The following PHLDB2 variants were observed in gnomAD, a reference collection of about 807,000 sequenced individuals.
PHLDB2 encodes the protein pleckstrin homology like domain family B member 2, also known as pleckstrin homology-like domain family B member 2.
A neutral mutation model predicts 123.6 loss-of-function variants in PHLDB2; 71 were observed. That is an observed-to-expected ratio of 0.57 (90% CI 0.47 to 0.70). PHLDB2 has a LOEUF of 0.70. Ranked by LOEUF, PHLDB2 falls within the 30% of genes least tolerant of loss-of-function variation. The pLI is 0.00. For missense variants in PHLDB2, 1,446 were observed against 1,519.5 expected, an observed-to-expected ratio of 0.95 and a Z score of 0.80; for synonymous variants, 547 against 541.6, an observed-to-expected ratio of 1.01 and a Z score of -0.14.
At chr3:111,793,803 T>C (rs1055998726) in intron 1 of PHLDB2, among the ~76,000 whole-genome samples, 1 of 151,772 alleles carries the variant, frequency 6.6e-6, no homozygotes, top group African/African-American at 2.4e-5. Context: ...TGTCTAGAAA[T>C]GTCATCTGGG....
At chr3:111,948,858 C>A in intron 9 of PHLDB2, 74 bp from the exon 10 acceptor site, 2 of 1,457,676 alleles carry the variant, frequency 1.4e-6, no homozygotes, top group Non-Finnish European at 1.9e-6. Context: ...CTTCATTGTA[C>A]TGGGAACATT....
chr3:111,970,686 C>G (rs374286164), intron 16 of PHLDB2, among the ~76,000 whole-genome samples: 1 of 151,996 alleles, frequency 6.6e-6, no homozygotes, highest in East Asian at 1.9e-4. Flanking sequence ...GGATCACATA[C>G]GAAACATGTC....
At chr3:111,939,383 C>A in intron 6 of PHLDB2, 92 bp from the exon 7 acceptor site, 2 of 1,323,976 alleles carry the variant, frequency 1.5e-6, no homozygotes, top group Non-Finnish European at 2.1e-6. Flanking sequence ...GGAAAGATAT[C>A]TTGGACCAAC....
intron 1 of PHLDB2, among the ~76,000 whole-genome samples, chr3:111,865,876 G>A (rs1424128742): frequency 6.6e-6 from 1 of 151,884 alleles, no homozygotes; most frequent in East Asian, 1.9e-4. Flanking sequence ...TGGTCAAAAG[G>A]TAGATAGCAT....
chr3:111,784,438 C>G (rs1175547224), intron 1 of PHLDB2, among the ~76,000 whole-genome samples: 1 of 152,060 alleles, frequency 6.6e-6, no homozygotes, highest in Non-Finnish European at 1.5e-5. Context: ...TGCAAGTTGC[C>G]TCATCCTTTT....
intron 1 of PHLDB2, among the ~76,000 whole-genome samples, chr3:111,831,950 G>A (rs2108489240): frequency 6.6e-6 from 1 of 152,264 alleles, no homozygotes; most frequent in South Asian, 2.1e-4. Flanking sequence ...GGCTGTGTCA[G>A]AGAGAGTTAC....
chr3:111,790,321 T>C (rs181093735), intron 1 of PHLDB2, among the ~76,000 whole-genome samples: 6 of 152,334 alleles, frequency 3.9e-5, no homozygotes, highest in East Asian at 1.9e-4. Context: ...AGGAAGTTCA[T>C]TGTGTCTCCT....
At chr3:111,863,655 G>A (rs2064939294) in intron 1 of PHLDB2, among the ~76,000 whole-genome samples, 1 of 152,188 alleles carries the variant, frequency 6.6e-6, no homozygotes, top group Admixed American at 6.5e-5. Context: ...GGCAGAATCT[G>A]CAAGCCTCCT....
chr3:111,901,760 G>C (rs1052184413), intron 2 of PHLDB2, among the ~76,000 whole-genome samples: 1 of 152,168 alleles, frequency 6.6e-6, no homozygotes, highest in South Asian at 2.1e-4. Flanking sequence ...AAGAGCAATA[G>C]CATAATTTCT....
chr3:111,881,144 T>C (rs1360199018), intron 1 of PHLDB2, among the ~76,000 whole-genome samples: 1 of 152,232 alleles, frequency 6.6e-6, no homozygotes. Context: ...CCTGCTGGCA[T>C]AGCTGCAGTG....
At position 111,949,053 on chromosome 3, in the gene PHLDB2, C is replaced by T. The variant is rs148911785; in HGVS notation, c.2609C>T (p.Ala870Val). Reference protein sequence around the residue: ...VATEPATAVLASQPQSKEHFR... With the variant: ...VATEPATAVLVSQPQSKEHFR... ...ACTGAGCCTGCCACAGCTGTGCTGG[C>T]GAGCCAGCCACAGAGTAAAGAGGTG... Residue 870 changes from alanine to valine, a missense_variant, in exon 10 of 18, where the codon GCG becomes GTG. By Grantham distance (64) the Ala-to-Val change is moderately conservative. This residue lies in a region of PHLDB2 where 594 missense variants were observed against 646.0 expected (regional missense o/e 0.92). Transcript: ENST00000431670. 1.0e-4 allele frequency: 163 copies of T among 1,613,438 alleles called. No individual in the cohort carries two copies. The highest frequency in any genetic ancestry group is 1.1e-4 in the Non-Finnish European group (129 of 1,179,860).
intron 1 of PHLDB2, among the ~76,000 whole-genome samples, chr3:111,739,599 A>AGG (rs1309027071): frequency 7.6e-6 from 1 of 131,698 alleles, no homozygotes; most frequent in Non-Finnish European, 1.6e-5. Flanking sequence ...AAAACAAACA[A>AGG]AAAAAAAAAA....
intron 5 of PHLDB2, 104 bp downstream of exon 5, chr3:111,920,523 G>C: frequency 7.2e-7 from 1 of 1,387,508 alleles, no homozygotes; most frequent in Non-Finnish European, 9.7e-7. Flanking sequence ...GGATTTGTGT[G>C]TCATGTTCCT....
chr3:111,876,056 C>G (rs1031747478), intron 1 of PHLDB2, among the ~76,000 whole-genome samples: 1 of 151,754 alleles, frequency 6.6e-6, no homozygotes, highest in African/African-American at 2.4e-5. Context: ...TCTTCCAGTC[C>G]ATTGTTATTG....
Position 111,859,525 on chromosome 3 carries a change from G to C in PHLDB2, c.-66G>C. 2 of 985,634 alleles carry C rather than the reference G, an allele frequency of 2.0e-6. No individual in the cohort carries two copies. Among genetic ancestry groups the C allele is most frequent in the Non-Finnish European group, 2.4e-6 (2 of 830,076 alleles). The allele number at this position is 985,634 out of a possible 1,614,324, so 61.1% of individuals were successfully genotyped here. On this transcript the variant is annotated 5_prime_UTR_variant, in exon 1 of 18. Transcript: ENST00000431670. Reference sequence around the variant, plus strand: ...GGCCCGACGGTGTGGCGTGGCGCAAGGAGCGCGCCTGCCTTCTCTCGCCGC... The same window carrying C: ...GGCCCGACGGTGTGGCGTGGCGCAACGAGCGCGCCTGCCTTCTCTCGCCGC...
rs1553726799 is a variant in PHLDB2 at position 111,780,399 on chromosome 3, A to AGAAGGAG, written c.-49+47700_-49+47701insGAGGAAG. 1.5e-3 allele frequency among the ~76,000 whole-genome samples: 112 copies of AGAAGGAG among 74,452 alleles called. 18 individuals carry two copies. The highest frequency in any genetic ancestry group is 5.5e-3 in the South Asian group (11 of 1,986). 48.8% of individuals were successfully genotyped at this position (74,452 alleles called of 152,430 possible). On this transcript the variant is annotated intron_variant, in intron 1 of 17. Transcript: ENST00000393923. ...AAGAAGAAGAAGAAGAAGAAGAAGA[A>AGAAGGAG]GAAGAAGAAGAAAAAGATTAGTTCG...
chr3:111,906,502 A>G (rs764988108), intron 2 of PHLDB2, among the ~76,000 whole-genome samples: 2 of 152,206 alleles, frequency 1.3e-5, no homozygotes, highest in Non-Finnish European at 2.9e-5. Context: ...AAGGAGGACT[A>G]GATGGACAAA....
At chr3:111,974,125 G>A (rs1227147997) in intron 17 of PHLDB2, among the ~76,000 whole-genome samples, 1 of 152,100 alleles carries the variant, frequency 6.6e-6, no homozygotes, top group Non-Finnish European at 1.5e-5. Flanking sequence ...GTCCTAGTAG[G>A]GCTAAGAATA....
At chr3:111,904,410 A>G (rs148567379) in intron 2 of PHLDB2, among the ~76,000 whole-genome samples, 108 of 152,076 alleles carry the variant, frequency 7.1e-4, no homozygotes, top group African/African-American at 2.4e-3. Flanking sequence ...CACTTCGCCT[A>G]TTTCTGGTCA....
Sources: allele counts gnomAD v4.1 joint callset (sites outside exome capture counted in the v4.1 genomes callset), GRCh38; gene constraint gnomAD v4.1.1; regional missense constraint gnomAD v4.1.1; transcripts MANE v1.5; gene names NCBI Gene and HGNC (gene_info 2026-07-23, HGNC 2026-07-21).